ARHGEF7: variants seen among roughly 807,000 people sequenced by gnomAD.
The protein encoded by ARHGEF7 is PAK-interacting exchange factor beta.
In ARHGEF7, 33 loss-of-function variants were observed where a neutral mutation model predicts 109.8. That is an observed-to-expected ratio of 0.30 (90% CI 0.23 to 0.40). ARHGEF7 has a LOEUF of 0.40. Among genes scored for constraint, ARHGEF7 ranks in the 10% least tolerant of loss-of-function variants. ARHGEF7 has a pLI of 1.00. For missense variants in ARHGEF7, 938 were observed against 1,098.5 expected, an observed-to-expected ratio of 0.85 and a Z score of 2.07; for synonymous variants, 458 against 424.6, an observed-to-expected ratio of 1.08 and a Z score of -0.97.
intron 19 of ARHGEF7, chr13:111,294,325 G>C (rs1401748151): frequency 1.0e-6 from 1 of 985,458 alleles, no homozygotes; most frequent in East Asian, 1.1e-4. Context: ...AGCTGCCTTT[G>C]CCTTCTCGTA....
chr13:111,236,580 C>T (rs2086868955), intron 6 of ARHGEF7, among the ~76,000 whole-genome samples: 1 of 152,030 alleles, frequency 6.6e-6, no homozygotes, highest in African/African-American at 2.4e-5. Flanking sequence ...TTTTTTTATT[C>T]TTGTTTTTAT....
At chr13:111,221,353 CTA>C (rs1357270388) in intron 5 of ARHGEF7, among the ~76,000 whole-genome samples, 459 of 9,502 alleles carry the variant, frequency 0.048, 181 homozygotes, top group African/African-American at 0.12. Flanking sequence ...ATATATATGT[CTA>C]TATATATATC....
intron 4 of ARHGEF7, among the ~76,000 whole-genome samples, chr13:111,212,433 T>C (rs1030576474): frequency 4.6e-5 from 7 of 152,210 alleles, no homozygotes; most frequent in Non-Finnish European, 8.8e-5. Flanking sequence ...CTTCACTCTT[T>C]GTTCGACACC....
At chr13:111,238,574 GAGAC>G (rs2087181103) in intron 6 of ARHGEF7, among the ~76,000 whole-genome samples, 1 of 152,200 alleles carries the variant, frequency 6.6e-6, no homozygotes, top group Non-Finnish European at 1.5e-5. Context: ...ATAATTAAAA[GAGAC>G]AGGTTTGTGA....
rs868068576 is a variant in ARHGEF7, at chr13:111,115,499, C to T, written c.-28C>T. On this transcript the variant is annotated 5_prime_UTR_variant, in exon 1 of 22. Transcript: ENST00000646102. ...CGCTCCGAGGTGAAGGCGCGCGCCCCTCCCCGCCTGCCTCCCGGGCCGCAG... is the reference window on the plus strand; with the variant it reads ...CGCTCCGAGGTGAAGGCGCGCGCCCTTCCCCGCCTGCCTCCCGGGCCGCAG... 2.1e-5 allele frequency: 26 copies of T among 1,259,464 alleles called. No individual in the cohort carries two copies. Among genetic ancestry groups the T allele is most frequent in the Middle Eastern group, 2.3e-4 (1 of 4,318 alleles). The allele number at this position is 1,259,464 out of a possible 1,614,324, so 78.0% of individuals were successfully genotyped here.
At chr13:111,282,324 G>A (rs2092817708) in intron 15 of ARHGEF7, among the ~76,000 whole-genome samples, 1 of 152,184 alleles carries the variant, frequency 6.6e-6, no homozygotes, top group African/African-American at 2.4e-5. Flanking sequence ...TGGCTAATTT[G>A]AGGTCATTAT....
chr13:111,129,865 TA>T (rs1162066513), intron 1 of ARHGEF7, among the ~76,000 whole-genome samples: 1 of 152,238 alleles, frequency 6.6e-6, no homozygotes, highest in Non-Finnish European at 1.5e-5. Flanking sequence ...TCAGCTATTC[TA>T]CTTTGAGATG....
At chr13:111,201,018 G>A (rs143749609) in intron 2 of ARHGEF7, among the ~76,000 whole-genome samples, 71 of 152,012 alleles carry the variant, frequency 4.7e-4, no homozygotes, top group African/African-American at 1.7e-3. Context: ...AATGAAGTTC[G>A]GCCTTCAATT....
At chr13:111,191,282 C>T (rs142108604) in intron 2 of ARHGEF7, among the ~76,000 whole-genome samples, 142 of 152,126 alleles carry the variant, frequency 9.3e-4, no homozygotes, top group African/African-American at 3.3e-3. Context: ...TGGTAGGTGC[C>T]CCAGGGGCAG....
intron 9 of ARHGEF7, among the ~76,000 whole-genome samples, chr13:111,270,393 C>CTGTTTTGTTT (rs1365208901): frequency 2.0e-5 from 3 of 151,112 alleles, no homozygotes; most frequent in Non-Finnish European, 4.4e-5. Flanking sequence ...CTGTAACTAG[C>CTGTTTTGTTT]TGTTTTGTTT....
intron 16 of ARHGEF7, among the ~76,000 whole-genome samples, chr13:111,285,233 A>G (rs570747539): frequency 6.6e-6 from 1 of 152,186 alleles, no homozygotes; most frequent in Non-Finnish European, 1.5e-5. Flanking sequence ...ATGTGTACCC[A>G]TTGTTTAGCT....
chr13:111,300,656 A>G (rs1347539147), intron 19 of ARHGEF7, 92 bp from the exon 20 acceptor site: 2 of 849,152 alleles, frequency 2.4e-6, no homozygotes, highest in Non-Finnish European at 3.6e-6. Flanking sequence ...CTAGAACTTA[A>G]TATTTAAGTG....
chr13:111,210,106 G>C (rs2082315483), intron 4 of ARHGEF7, 104 bp downstream of exon 4: 1 of 1,469,106 alleles, frequency 6.8e-7, no homozygotes, highest in Admixed American at 1.9e-5. Flanking sequence ...GTGTTAAACA[G>C]GGCAAAGGTA....
chr13:111,115,658 G>A lies in ARHGEF7; in HGVS notation c.132G>A (p.Leu44=). 2.3e-6 allele frequency: 3 copies of A among 1,330,538 alleles called. No homozygotes were observed. Among genetic ancestry groups the A allele is most frequent in the Non-Finnish European group, 2.9e-6 (3 of 1,031,980 alleles). The allele number at this position is 1,330,538 out of a possible 1,614,324, so 82.4% of individuals were successfully genotyped here. A position where few individuals can be genotyped will look rare whatever the true frequency, so the allele number is the denominator to read the frequency against. ...SLKDGVVLCR[L]LERLLPGTIE... ...AGGATGGGGTGGTCCTCTGCAGGCT[G>A]CTGGAGCGCCTGCTCCCCGGGACCA... is the stretch of plus-strand genomic sequence containing the variant. Residue 44 remains leucine, a synonymous_variant, in exon 1 of 22, where the codon CTG becomes CTA. Coordinates refer to ENST00000646102, the MANE Select transcript of ARHGEF7 (RefSeq NM_001354046.2).
At chr13:111,158,891 TTTAGCAATTTTGAAATATAC>T in intron 2 of ARHGEF7, 1 of 611,888 alleles carries the variant, frequency 1.6e-6, no homozygotes, top group South Asian at 2.0e-5. Context: ...AATCTAATCT[TTTAGCAATTTTGAAATATAC>T]TTTAAATTAT....
intron 13 of ARHGEF7, among the ~76,000 whole-genome samples, chr13:111,280,030 G>A (rs535886266): frequency 2.0e-5 from 3 of 152,098 alleles, no homozygotes; most frequent in South Asian, 4.2e-4. Context: ...TGTGTGTTTG[G>A]GCTTGTCACT....
chr13:111,191,439 C>T (rs570906777), intron 2 of ARHGEF7, among the ~76,000 whole-genome samples: 13 of 152,282 alleles, frequency 8.5e-5, no homozygotes, highest in African/African-American at 3.1e-4. Flanking sequence ...ATTGCACGTC[C>T]TGTTAGGGTA....
chr13:111,156,247 A>G (rs953489630), intron 2 of ARHGEF7, among the ~76,000 whole-genome samples: 10 of 152,242 alleles, frequency 6.6e-5, no homozygotes, highest in African/African-American at 1.4e-4. Flanking sequence ...AGCATCTACA[A>G]TAGTGCTTGG....
chr13:111,193,346 A>G (rs1244024865), intron 2 of ARHGEF7, among the ~76,000 whole-genome samples: 2 of 152,106 alleles, frequency 1.3e-5, no homozygotes, highest in Non-Finnish European at 2.9e-5. Flanking sequence ...TCCTGGCAGC[A>G]ATTTTGGCCT....
Sources: gnomAD v4.1 joint callset for allele counts (sites outside exome capture counted in the v4.1 genomes callset) on GRCh38, gnomAD v4.1.1 for gene constraint, MANE v1.5 for transcripts, NCBI Gene and HGNC (gene_info 2026-07-23, HGNC 2026-07-21) for gene names.